Variants in U2SURP observed in about 807,000 individuals in gnomAD.
U2SURP encodes the protein U2 snRNP associated SURP domain containing.
In U2SURP, 9 loss-of-function variants were observed where a neutral mutation model predicts 144.9. The ratio of observed to expected loss-of-function variants is 0.06; its 90% CI spans 0.04 to 0.11. U2SURP has a LOEUF of 0.11. Ranked by LOEUF, U2SURP falls within the 10% of genes least tolerant of loss-of-function variation. U2SURP has a pLI of 1.00. For missense variants in U2SURP, 724 were observed against 1,226.7 expected (o/e 0.59, Z 6.12); for synonymous variants, 408 against 396.8 (o/e 1.03, Z -0.33).
intron 25 of U2SURP, among the ~76,000 whole-genome samples, chr3:143,052,652 TG>T (rs1934947423): frequency 6.6e-6 from 1 of 152,196 alleles, no homozygotes; most frequent in African/African-American, 2.4e-5. Context: ...GTTGAGTAGT[TG>T]TGGCAGAGAC....
chr3:143,027,082 AG>A (rs1933198183), intron 13 of U2SURP, 66 bp from the exon 14 acceptor site: 9 of 1,178,950 alleles, frequency 7.6e-6, no homozygotes, highest in Non-Finnish European at 1.1e-5. Context: ...ATAGTAACTT[AG>A]GTCAAGTGTA....
intron 13 of U2SURP, chr3:143,024,580 CT>C (rs917099426): frequency 3.9e-5 from 16 of 410,002 alleles, no homozygotes; most frequent in African/African-American, 8.6e-5. Context: ...TCCTTTCTTC[CT>C]TTTTTTCTCT....
chr3:143,039,896 T>A (rs1461330388), intron 23 of U2SURP, among the ~76,000 whole-genome samples: 1 of 151,900 alleles, frequency 6.6e-6, no homozygotes, highest in Admixed American at 6.6e-5. Flanking sequence ...TTAGAACAAG[T>A]CAGCAATGAT....
intron 16 of U2SURP, among the ~76,000 whole-genome samples, chr3:143,030,640 T>G (rs1338495294): frequency 4.6e-5 from 7 of 152,212 alleles, no homozygotes; most frequent in African/African-American, 1.7e-4. Context: ...GTCTTATTAT[T>G]TAAGAAATAT....
At chr3:143,051,602 CAAA>C (rs3041537) in intron 25 of U2SURP, among the ~76,000 whole-genome samples, 1,115 of 90,624 alleles carry the variant, frequency 0.012, 8 homozygotes, top group African/African-American at 0.041. Context: ...ACTGTCGTTG[CAAA>C]AAAAAAAAAA....
intron 6 of U2SURP, among the ~76,000 whole-genome samples, chr3:143,018,757 C>G (rs530995479): frequency 6.6e-6 from 1 of 152,186 alleles, no homozygotes; most frequent in African/African-American, 2.4e-5. Context: ...GAAACCCCGT[C>G]TCTACTAAAA....
chr3:143,035,731 G>A (rs1351054230), intron 19 of U2SURP, among the ~76,000 whole-genome samples: 1 of 152,090 alleles, frequency 6.6e-6, no homozygotes, highest in Non-Finnish European at 1.5e-5. Context: ...CTGACCTTAG[G>A]TGGTAAAGAG....
At chr3:143,014,252 A>G (rs1364453637) in intron 3 of U2SURP, 59 bp from the exon 4 acceptor site, 1 of 1,160,406 alleles carries the variant, frequency 8.6e-7, no homozygotes, top group Non-Finnish European at 1.2e-6. Flanking sequence ...GTTGATGTGT[A>G]TTAAAGTTTT....
rs757110004 is a variant in U2SURP at position 143,053,664 on chromosome 3, A to G, written c.2656-12A>G. ...TTTTAAACAACTTAATATTTTCTAT[A>G]AAAAATAACAGGAGAAAGAGAAAGA... On this transcript the variant is annotated splice_polypyrimidine_tract_variant and intron_variant, in intron 25 of 27. Coordinates refer to ENST00000473835, the MANE Select transcript of U2SURP (RefSeq NM_001080415.2). The G allele has an allele frequency of 9.3e-6, 12 of 1,291,334 alleles. No homozygotes were observed. The East Asian group carries it at 2.5e-4, about 27-fold the overall frequency. 80.0% of individuals were successfully genotyped at this position (1,291,334 alleles called of 1,614,324 possible). A position where few individuals can be genotyped will look rare whatever the true frequency, so the allele number is the denominator to read the frequency against.
At chr3:143,021,170 G>A (rs4683719) in intron 8 of U2SURP, among the ~76,000 whole-genome samples, 180 bp from the exon 9 acceptor site, 51,673 of 151,970 alleles carry the variant, frequency 0.34, 9,924 homozygotes, top group African/African-American at 0.53. Flanking sequence ...CAGCCTGGGC[G>A]ACAGAGCAAG....
chr3:143,040,346 G>A (rs898077613), intron 23 of U2SURP, among the ~76,000 whole-genome samples: 2 of 151,658 alleles, frequency 1.3e-5, no homozygotes, highest in Non-Finnish European at 3.0e-5. Flanking sequence ...TTTTTCTTAG[G>A]AATTTCAGGT....
Position 143,003,677 on chromosome 3 carries a change from C to CTTTTTTTTTT in U2SURP, c.45+2019_45+2028dup, listed in dbSNP as rs60505715. Among the ~76,000 whole-genome samples the CTTTTTTTTTT allele has an allele frequency of 4.8e-4, 49 of 101,526 alleles. 1 individual carries two copies. Among genetic ancestry groups the CTTTTTTTTTT allele is most frequent in the Non-Finnish European group, 7.3e-4 (38 of 52,192 alleles). 66.6% of individuals were successfully genotyped at this position (101,526 alleles called of 152,430 possible). A position where few individuals can be genotyped will look rare whatever the true frequency, so the allele number is the denominator to read the frequency against. On this transcript the variant is annotated intron_variant, in intron 1 of 27. Transcript: ENST00000473835. ...TAGCTGCTTTTTATTTATTTTATTT[C>CTTTTTTTTTT]TTTTTTTTTTTTTTTTTTTTTTTTG...
At chr3:143,019,082 C>A (rs1201321965) in intron 6 of U2SURP, among the ~76,000 whole-genome samples, 1 of 152,096 alleles carries the variant, frequency 6.6e-6, no homozygotes, top group African/African-American at 2.4e-5. Flanking sequence ...TTATAAGTTT[C>A]TTTTGGAGAA....
Position 143,049,060 on chromosome 3 carries a change from A to G in U2SURP, c.2545-1879A>G, listed in dbSNP as rs553089767. Among the ~76,000 whole-genome samples the G allele has an allele frequency of 2.0e-4, 30 of 150,484 alleles. No homozygotes were observed. The East Asian group carries it at 5.5e-3, about 28-fold the overall frequency. On this transcript the variant is annotated intron_variant, in intron 24 of 27. Transcript: ENST00000473835. Reference sequence around the variant, plus strand: ...ACCTGAGGTCAGGAGTTCGAGACCAACCTGGCCAACATAGCGAAACCCTGT... The same window carrying G: ...ACCTGAGGTCAGGAGTTCGAGACCAGCCTGGCCAACATAGCGAAACCCTGT...
At position 143,033,363 on chromosome 3, in the gene U2SURP, A is replaced by G. The variant is rs1324637256; in HGVS notation, c.1853+13A>G. The G allele has an allele frequency of 7.8e-7, 1 of 1,277,916 alleles. No homozygotes were observed. The highest frequency in any genetic ancestry group is 1.1e-6 in the Non-Finnish European group (1 of 903,850). 79.2% of individuals were successfully genotyped at this position (1,277,916 alleles called of 1,614,324 possible). A position where few individuals can be genotyped will look rare whatever the true frequency, so the allele number is the denominator to read the frequency against. On this transcript the variant is annotated intron_variant, in intron 18 of 27. Transcript: ENST00000473835. ...ATTATAGAAAATTGTAAGTATAATG[A>G]TATAACTGATATTCCTGAAATAAAG... is the stretch of plus-strand genomic sequence containing the variant.
intron 19 of U2SURP, 27 bp from the exon 20 acceptor site, chr3:143,035,954 GT>G: frequency 6.4e-7 from 1 of 1,569,322 alleles, no homozygotes; most frequent in Non-Finnish European, 8.6e-7. Context: ...CAAAATAAAA[GT>G]TTGTTGTCTG....
Position 143,038,911 on chromosome 3 carries a change from T to C in U2SURP, c.2335T>C (p.Trp779Arg). ...LEAQAVTTSKWELFDQHEESE... is the reference protein window; with the variant it reads ...LEAQAVTTSKRELFDQHEESE... Reference sequence around the variant, plus strand: ...TCATTCAGCTGTTACAACTTCTAAATGGGAATTATTTGACCAGCATGAAGA... The same window carrying C: ...TCATTCAGCTGTTACAACTTCTAAACGGGAATTATTTGACCAGCATGAAGA... The change falls in exon 23 of 28, where the codon TGG becomes CGG. Residue 779 changes from tryptophan (W) to arginine (R), a missense_variant. Trp to Arg is a moderately radical substitution (Grantham distance 101, BLOSUM62 -3). Coordinates refer to ENST00000473835, the MANE Select transcript of U2SURP (RefSeq NM_001080415.2). The C allele has an allele frequency of 6.5e-7, 1 of 1,544,318 alleles. No individual in the cohort carries two copies. The highest frequency in any genetic ancestry group is 8.7e-7 in the Non-Finnish European group (1 of 1,147,814).
At position 143,016,913 on chromosome 3, in the gene U2SURP, C is replaced by T. The variant is rs763917320; in HGVS notation, c.508C>T (p.Pro170Ser). Residue 170 changes from proline to serine, a missense_variant, in exon 6 of 28, where the codon CCT (proline) becomes TCT (serine). By Grantham distance (74) the Pro-to-Ser change is moderately conservative. Coordinates refer to ENST00000473835, the MANE Select transcript of U2SURP (RefSeq NM_001080415.2). ...PSSRFADQKN[P>S]PNQSSNERPP... ...TTCAAGATTTGCAGATCAAAAAAAT[C>T]CTCCAAATCAGTCTTCCAATGAAAG... 12 of 1,595,606 alleles carry T rather than the reference C, an allele frequency of 7.5e-6. No homozygotes were observed. The East Asian group carries it at 2.1e-4, about 28-fold the overall frequency.
At chr3:143,020,141 A>G in intron 7 of U2SURP, 105 bp downstream of exon 7, 7 of 625,060 alleles carry the variant, frequency 1.1e-5, no homozygotes, top group Non-Finnish European at 1.7e-5. Flanking sequence ...ATTACTAACC[A>G]GTTTGCTATG....
Sources: allele counts gnomAD v4.1 joint callset (sites outside exome capture counted in the v4.1 genomes callset), GRCh38; gene constraint gnomAD v4.1.1; transcripts MANE v1.5; gene names NCBI Gene and HGNC (gene_info 2026-07-23, HGNC 2026-07-21).